TBCA: variants seen among roughly 807,000 people sequenced by gnomAD.
TBCA encodes the protein tubulin-specific chaperone A.
TBCA carries 6 observed loss-of-function variants against 15.8 expected under a neutral mutation model. The ratio of observed to expected loss-of-function variants is 0.38; its 90% CI spans 0.21 to 0.75. TBCA has a LOEUF of 0.75. TBCA is among the 30% of genes least tolerant of loss of function. TBCA has a pLI of 0.46. For synonymous variants in TBCA, 32 were observed against 42.3 expected, an observed-to-expected ratio of 0.76 and a Z score of 0.94; for missense variants, 90 against 131.2, an observed-to-expected ratio of 0.69 and a Z score of 1.53.
At chr5:77,761,609 G>A (rs1012869758) in intron 1 of TBCA, among the ~76,000 whole-genome samples, 8 of 150,190 alleles carry the variant, frequency 5.3e-5, no homozygotes, top group South Asian at 2.1e-4. Context: ...CCCCCTCTCC[G>A]AGAAACACCC....
intron 1 of TBCA, among the ~76,000 whole-genome samples, chr5:77,750,895 A>T (rs1002033867): frequency 6.6e-6 from 1 of 152,180 alleles, no homozygotes; most frequent in Non-Finnish European, 1.5e-5. Context: ...AGGTGCTTCC[A>T]GGTCATCGGT....
At chr5:77,739,497 G>A (rs1343515075) in intron 1 of TBCA, among the ~76,000 whole-genome samples, 3 of 152,156 alleles carry the variant, frequency 2.0e-5, no homozygotes, top group Admixed American at 6.5e-5. Context: ...CTATAGAGAA[G>A]GCCAATCATC....
intron 2 of TBCA, among the ~76,000 whole-genome samples, chr5:77,696,646 A>G (rs919392927): frequency 6.6e-6 from 1 of 152,190 alleles, no homozygotes; most frequent in Non-Finnish European, 1.5e-5. Context: ...AGGGCTAGGC[A>G]TGGTGGCCCA....
At chr5:77,758,970 C>T (rs1009725911) in intron 1 of TBCA, among the ~76,000 whole-genome samples, 6 of 152,186 alleles carry the variant, frequency 3.9e-5, no homozygotes, top group African/African-American at 1.4e-4. Flanking sequence ...GAAACTGCTT[C>T]TCCCTGGCAC....
intron 1 of TBCA, among the ~76,000 whole-genome samples, chr5:77,769,205 T>G (rs1383309480): frequency 6.6e-6 from 1 of 152,202 alleles, no homozygotes; most frequent in Non-Finnish European, 1.5e-5. Flanking sequence ...ACCACCACTT[T>G]GGAGAACTGA....
intron 2 of TBCA, among the ~76,000 whole-genome samples, chr5:77,699,052 A>AG (rs1745943384): frequency 6.6e-6 from 1 of 150,610 alleles, no homozygotes; most frequent in Non-Finnish European, 1.5e-5. Flanking sequence ...AAAAAAAAAA[A>AG]AAAAAAGAAA....
At chr5:77,716,144 G>C (rs1343684360) in intron 1 of TBCA, among the ~76,000 whole-genome samples, 1 of 152,072 alleles carries the variant, frequency 6.6e-6, no homozygotes, top group African/African-American at 2.4e-5. Flanking sequence ...TTTTAAAAGA[G>C]TCAATGAAAA....
chr5:77,747,879 T>C (rs1747226843), intron 1 of TBCA, among the ~76,000 whole-genome samples: 1 of 152,206 alleles, frequency 6.6e-6, no homozygotes, highest in Non-Finnish European at 1.5e-5. Flanking sequence ...AGGAAACTTG[T>C]TCAGCATATC....
At chr5:77,748,914 G>C (rs1561279471) in intron 1 of TBCA, among the ~76,000 whole-genome samples, 1 of 152,198 alleles carries the variant, frequency 6.6e-6, no homozygotes, top group Non-Finnish European at 1.5e-5. Context: ...GTATTGTACT[G>C]TGTTTACCAA....
intron 1 of TBCA, among the ~76,000 whole-genome samples, chr5:77,752,520 T>C (rs1747371649): frequency 6.6e-6 from 1 of 151,312 alleles, no homozygotes; most frequent in African/African-American, 2.4e-5. Flanking sequence ...CATGCCACCA[T>C]GTCCGGCTTA....
chr5:77,705,566 G>A (rs1348779208), intron 2 of TBCA: 3 of 398,504 alleles, frequency 7.5e-6, no homozygotes, highest in African/African-American at 4.1e-5. Flanking sequence ...GGGGACTCAC[G>A]CTTATCATCC....
At chr5:77,775,878 G>A (rs950706499) in intron 1 of TBCA, among the ~76,000 whole-genome samples, 5 of 152,212 alleles carry the variant, frequency 3.3e-5, no homozygotes, top group African/African-American at 7.2e-5. Context: ...CAGGAGGCAC[G>A]GGATCAGGGC....
intron 1 of TBCA, among the ~76,000 whole-genome samples, chr5:77,765,881 CAAAAA>C (rs70997944): frequency 2.1e-4 from 27 of 130,408 alleles, no homozygotes; most frequent in Admixed American, 3.8e-4. Context: ...AAACTAGGGC[CAAAAA>C]AAAAAAAAAA....
intron 1 of TBCA, among the ~76,000 whole-genome samples, chr5:77,717,760 A>T (rs921569570): frequency 4.0e-5 from 6 of 151,592 alleles, no homozygotes; most frequent in Admixed American, 2.6e-4. Context: ...TGAAACCAAG[A>T]GGCAGAGGTT....
intron 2 of TBCA, among the ~76,000 whole-genome samples, chr5:77,706,347 C>A (rs1362360646): frequency 6.6e-6 from 1 of 152,074 alleles, no homozygotes. Context: ...ATCTGAGGTA[C>A]ATTTTATAGA....
intron 1 of TBCA, among the ~76,000 whole-genome samples, chr5:77,725,521 C>T (rs1205569757): frequency 2.6e-5 from 4 of 152,144 alleles, no homozygotes; most frequent in African/African-American, 9.7e-5. Context: ...TTGAAAATAT[C>T]GCTATTGATA....
At chr5:77,698,401 A>G (rs753822080) in intron 2 of TBCA, among the ~76,000 whole-genome samples, 2 of 152,208 alleles carry the variant, frequency 1.3e-5, no homozygotes, top group African/African-American at 4.8e-5. Flanking sequence ...CCCAAACTTA[A>G]TTACTTAAAT....
At chr5:77,722,031 T>C (rs1047688918) in intron 1 of TBCA, among the ~76,000 whole-genome samples, 3 of 152,084 alleles carry the variant, frequency 2.0e-5, no homozygotes, top group Non-Finnish European at 4.4e-5. Context: ...ATATAAATTA[T>C]GTCTTTTATG....
At chr5:77,749,613 C>A (rs952428004) in intron 1 of TBCA, among the ~76,000 whole-genome samples, 1 of 152,178 alleles carries the variant, frequency 6.6e-6, no homozygotes, top group Non-Finnish European at 1.5e-5. Flanking sequence ...ATTAGTAGAA[C>A]TATAAATAGT....
Sources: gnomAD v4.1 joint callset for allele counts (sites outside exome capture counted in the v4.1 genomes callset) on GRCh38, gnomAD v4.1.1 for gene constraint, MANE v1.5 for transcripts, NCBI Gene and HGNC (gene_info 2026-07-23, HGNC 2026-07-21) for gene names.